The following WWOX variants were observed in gnomAD, a reference collection of about 807,000 sequenced individuals.
The protein encoded by WWOX is WW domain-containing oxidoreductase.
WWOX carries 69 observed loss-of-function variants against 46.2 expected under a neutral mutation model. The observed-to-expected ratio is 1.49, with a 90% CI of 1.23 to 1.82. The LOEUF is 1.82. WWOX is among the 40% of genes most tolerant of loss of function. The pLI is 0.00. For missense variants in WWOX, 919 were observed against 542.6 expected, an observed-to-expected ratio of 1.69 and a Z score of -6.89; for synonymous variants, 359 against 202.6, an observed-to-expected ratio of 1.77 and a Z score of -6.56.
intron 8 of WWOX, among the ~76,000 whole-genome samples, chr16:78,634,350 A>C (rs1048411570): frequency 6.6e-6 from 1 of 152,070 alleles, no homozygotes; most frequent in African/African-American, 2.4e-5. Flanking sequence ...TATCTCTTTC[A>C]CTTATTCCCT....
rs11545029 is a variant in WWOX at position 78,386,878 on chromosome 16, G to T, written c.535G>T (p.Ala179Ser). The T allele has an allele frequency of 5.0e-5, 81 of 1,613,722 alleles. No individual in the cohort carries two copies. The African/African-American group carries it at 6.7e-4, about 13-fold the overall frequency. The change falls in exon 6 of 9, where the codon GCA becomes TCA. Residue 179 changes from alanine to serine, a missense_variant. Physicochemically the swap from Ala to Ser is moderately conservative, Grantham distance 99. Transcript: ENST00000566780. Reference sequence around the variant, plus strand: ...ATTGCAGCATAAAGCCAAGGTAGAAGCAATGACCCTGGACCTCGCTCTGCT... The same window carrying T: ...ATTGCAGCATAAAGCCAAGGTAGAATCAATGACCCTGGACCTCGCTCTGCT... ...LEEWHKAKVE[A>S]MTLDLALLRS...
intron 8 of WWOX, among the ~76,000 whole-genome samples, chr16:78,827,605 G>A (rs1004602693): frequency 2.0e-5 from 3 of 152,010 alleles, no homozygotes; most frequent in African/African-American, 7.3e-5. Flanking sequence ...GGCCAAGGTG[G>A]GTGGGTCACC....
intron 5 of WWOX, among the ~76,000 whole-genome samples, chr16:78,290,510 CT>C (rs1395307404): frequency 6.6e-6 from 1 of 152,100 alleles, no homozygotes; most frequent in African/African-American, 2.4e-5. Flanking sequence ...TTCGGTAAAT[CT>C]GTCAGAAGGG....
intron 8 of WWOX, among the ~76,000 whole-genome samples, chr16:78,711,371 C>A (rs188843611): frequency 2.3e-3 from 357 of 152,286 alleles, no homozygotes; most frequent in African/African-American, 7.9e-3. Context: ...GAACATGATG[C>A]TCATATCTGG....
intron 8 of WWOX, among the ~76,000 whole-genome samples, chr16:79,121,663 C>G (rs2049634226): frequency 6.6e-6 from 1 of 152,090 alleles, no homozygotes; most frequent in Non-Finnish European, 1.5e-5. Context: ...TGTTTTGGGG[C>G]ATGCGCCAAG....
intron 8 of WWOX, among the ~76,000 whole-genome samples, chr16:78,501,507 G>A (rs2085067529): frequency 6.6e-6 from 1 of 151,322 alleles, no homozygotes; most frequent in Non-Finnish European, 1.5e-5. Context: ...ACTTTGGGCT[G>A]TACGTTAGAA....
chr16:78,151,729 G>C (rs2151721206), intron 4 of WWOX, among the ~76,000 whole-genome samples: 1 of 152,280 alleles, frequency 6.6e-6, no homozygotes, highest in South Asian at 2.1e-4. Flanking sequence ...TAGCAGGCAT[G>C]TATGCATGTG....
intron 4 of WWOX, among the ~76,000 whole-genome samples, chr16:78,161,384 C>G (rs1396954004): frequency 6.6e-6 from 1 of 151,860 alleles, no homozygotes; most frequent in Non-Finnish European, 1.5e-5. Context: ...TCTATCCTTT[C>G]TTTCTCTTTT....
chr16:78,880,334 T>C (rs1450857787), intron 8 of WWOX, among the ~76,000 whole-genome samples: 1 of 152,250 alleles, frequency 6.6e-6, no homozygotes, highest in African/African-American at 2.4e-5. Context: ...CTGTGGAAAT[T>C]AGACTGTCAC....
At chr16:78,120,350 C>A (rs1597227062) in intron 4 of WWOX, among the ~76,000 whole-genome samples, 2 of 152,064 alleles carry the variant, frequency 1.3e-5, no homozygotes, top group South Asian at 4.1e-4. Flanking sequence ...GCGGGTGGAT[C>A]ATGAGGTCAG....
intron 8 of WWOX, among the ~76,000 whole-genome samples, chr16:79,109,661 G>C (rs1166557194): frequency 1.3e-5 from 2 of 152,022 alleles, no homozygotes. Context: ...GGGGTATTTC[G>C]CTCCAAGTTT....
At chr16:78,805,260 T>C (rs1344732823) in intron 8 of WWOX, among the ~76,000 whole-genome samples, 2 of 152,070 alleles carry the variant, frequency 1.3e-5, no homozygotes, top group African/African-American at 4.8e-5. Context: ...CATATATATG[T>C]ATATTTTTTA....
At chr16:78,616,104 G>C (rs113183861) in intron 8 of WWOX, among the ~76,000 whole-genome samples, 6,139 of 152,096 alleles carry the variant, frequency 0.04, 162 homozygotes, top group South Asian at 0.1. Flanking sequence ...TTCCTACGTA[G>C]AATTCCCTAC....
In WWOX at chr16:79,202,055, C is replaced by CT. The variant is rs76088445; in HGVS notation, c.1057-9544dup. Reference sequence around the variant, plus strand: ...CTGCCGGCTAAATCTGGCCCAGTGCCTTTTTTTTTATAAATAAAGTTTTAT... The same window carrying CT: ...CTGCCGGCTAAATCTGGCCCAGTGCCTTTTTTTTTTATAAATAAAGTTTTAT... On this transcript the variant is annotated intron_variant, in intron 8 of 8. Coordinates refer to ENST00000566780, the MANE Select transcript of WWOX (RefSeq NM_016373.4). Among the ~76,000 whole-genome samples, 344 of 151,834 alleles carry CT rather than the reference C, an allele frequency of 2.3e-3. 1 individual carries two copies. The highest frequency in any genetic ancestry group is 7.6e-3 in the African/African-American group (315 of 41,384).
At chr16:78,611,920 A>G (rs891233615) in intron 8 of WWOX, among the ~76,000 whole-genome samples, 1 of 152,240 alleles carries the variant, frequency 6.6e-6, no homozygotes. Context: ...TATACAAGCC[A>G]GAAGCCAATG....
At chr16:78,473,768 A>G (rs906476797) in intron 8 of WWOX, among the ~76,000 whole-genome samples, 28 of 152,084 alleles carry the variant, frequency 1.8e-4, no homozygotes, top group African/African-American at 6.5e-4. Context: ...TTAGCTGAAG[A>G]TACGGCAGCC....
chr16:79,001,256 C>G (rs1453564897), intron 8 of WWOX, among the ~76,000 whole-genome samples: 1 of 152,142 alleles, frequency 6.6e-6, no homozygotes, highest in Admixed American at 6.5e-5. Context: ...CCTCCTCTCC[C>G]AAGACAAAGG....
intron 8 of WWOX, among the ~76,000 whole-genome samples, chr16:78,699,204 A>G (rs550393416): frequency 2.0e-5 from 3 of 152,104 alleles, no homozygotes; most frequent in South Asian, 2.1e-4. Context: ...TAGTTTCCCA[A>G]CCTCTGCTTT....
chr16:79,205,786 G>A (rs550612163), intron 8 of WWOX: 1 of 152,352 alleles, frequency 6.6e-6, no homozygotes, highest in African/African-American at 2.4e-5. Context: ...GAATGACTGT[G>A]TTAGGAATCA....
Sources: allele counts gnomAD v4.1 joint callset (sites outside exome capture counted in the v4.1 genomes callset), GRCh38; gene constraint gnomAD v4.1.1; transcripts MANE v1.5; gene names NCBI Gene and HGNC (gene_info 2026-07-23, HGNC 2026-07-21).